Variants in FANCL observed in about 807,000 individuals in gnomAD.
FANCL encodes FA complementation group L.
In FANCL, 69 loss-of-function variants were observed where a neutral mutation model predicts 59.4. The ratio of observed to expected loss-of-function variants is 1.16; its 90% CI spans 0.96 to 1.42. The LOEUF is 1.42. Ranked by LOEUF, FANCL falls within the 40% of genes most tolerant of loss-of-function variation. FANCL has a pLI of 0.00. For synonymous variants in FANCL, 180 were observed against 147.1 expected (o/e 1.22, Z -1.62); for missense variants, 519 against 447.2 (o/e 1.16, Z -1.45).
chr2:58,224,412 A>G (rs1342966649), intron 4 of FANCL, among the ~76,000 whole-genome samples: 5 of 151,896 alleles, frequency 3.3e-5, no homozygotes, highest in African/African-American at 9.7e-5. Context: ...ATTTGTAATC[A>G]AGTTTGATAA....
rs181369414 is a variant in FANCL at position 58,226,138 on chromosome 2, G to T, written c.273+590C>A. Reference sequence around the variant, plus strand: ...AAAAGTAGAAGAGGAAATAAGATTGGCAAAATGTTAAAATTTGGTCAGGCC... The same window carrying T: ...AAAAGTAGAAGAGGAAATAAGATTGTCAAAATGTTAAAATTTGGTCAGGCC... On this transcript the variant is annotated intron_variant, in intron 4 of 13. Coordinates refer to ENST00000233741, the MANE Select transcript of FANCL (RefSeq NM_018062.4). Among the ~76,000 whole-genome samples the T allele has an allele frequency of 2.8e-3, 431 of 152,066 alleles. 3 individuals are homozygous for T. The highest frequency in any genetic ancestry group is 9.0e-3 in the African/African-American group (373 of 41,516).
At chr2:58,185,733 CT>C (rs1688334851) in intron 7 of FANCL, among the ~76,000 whole-genome samples, 4 of 152,008 alleles carry the variant, frequency 2.6e-5, no homozygotes, top group Admixed American at 2.0e-4. Context: ...ATTCTAAAGC[CT>C]TAAAATGTAT....
At chr2:58,220,278 T>G (rs904674319) in intron 5 of FANCL, among the ~76,000 whole-genome samples, 6 of 152,190 alleles carry the variant, frequency 3.9e-5, no homozygotes, top group African/African-American at 1.4e-4. Flanking sequence ...GAAGTATTCA[T>G]AAAAAATTAA....
intron 5 of FANCL, among the ~76,000 whole-genome samples, chr2:58,206,169 T>C (rs1690561561): frequency 6.6e-6 from 1 of 152,010 alleles, no homozygotes; most frequent in African/African-American, 2.4e-5. Flanking sequence ...AGAGATACCA[T>C]CTTTAATTGA....
intron 6 of FANCL, among the ~76,000 whole-genome samples, chr2:58,201,851 T>A (rs1011797158): frequency 2.0e-5 from 3 of 151,898 alleles, no homozygotes; most frequent in African/African-American, 7.2e-5. Flanking sequence ...TGGGAAAGTA[T>A]GTATTCCAGA....
At chr2:58,240,764 C>T (rs1361892393) in intron 1 of FANCL, among the ~76,000 whole-genome samples, 1 of 152,078 alleles carries the variant, frequency 6.6e-6, no homozygotes, top group East Asian at 1.9e-4. Flanking sequence ...GGCAAAGGGC[C>T]AAAATAAGGT....
intron 4 of FANCL, among the ~76,000 whole-genome samples, chr2:58,226,521 C>A (rs1192768253): frequency 1.3e-5 from 2 of 152,108 alleles, no homozygotes; most frequent in African/African-American, 2.4e-5. Context: ...GTTTATAATA[C>A]AATCAAAGAG....
chr2:58,163,158 A>G, intron 9 of FANCL, 84 bp from the exon 10 acceptor site: 1 of 1,201,708 alleles, frequency 8.3e-7, no homozygotes, highest in Non-Finnish European at 1.2e-6. Context: ...ATGTTTCTTA[A>G]CTACTTGATT....
At chr2:58,166,360 T>A (rs1016541760) in intron 7 of FANCL, among the ~76,000 whole-genome samples, 1 of 152,196 alleles carries the variant, frequency 6.6e-6, no homozygotes, top group Non-Finnish European at 1.5e-5. Context: ...TTTGGAGACC[T>A]AATTAGGCAG....
intron 7 of FANCL, among the ~76,000 whole-genome samples, chr2:58,192,426 A>C (rs960351149): frequency 6.6e-6 from 1 of 151,950 alleles, no homozygotes; most frequent in Non-Finnish European, 1.5e-5. Flanking sequence ...AGTTATAACA[A>C]CTTAGAAAAC....
chr2:58,202,892 G>C (rs534486660), intron 6 of FANCL, among the ~76,000 whole-genome samples: 49 of 151,734 alleles, frequency 3.2e-4, no homozygotes, highest in South Asian at 4.2e-4. Flanking sequence ...AAAATCTTTA[G>C]TTTTGGTCTT....
chr2:58,202,865 G>A (rs567200783), intron 6 of FANCL, among the ~76,000 whole-genome samples: 45 of 151,900 alleles, frequency 3.0e-4, no homozygotes, highest in African/African-American at 1.1e-3. Context: ...TTGTAAAAAT[G>A]AGGACAGGGT....
intron 7 of FANCL, among the ~76,000 whole-genome samples, chr2:58,181,812 A>T (rs1277077174): frequency 1.3e-5 from 2 of 151,920 alleles, no homozygotes; most frequent in Non-Finnish European, 2.9e-5. Context: ...TAAATAAATG[A>T]TATAAATTAC....
At chr2:58,205,421 G>A (rs952868402) in intron 5 of FANCL, among the ~76,000 whole-genome samples, 2 of 151,940 alleles carry the variant, frequency 1.3e-5, no homozygotes, top group Admixed American at 1.3e-4. Context: ...TTTTCTTTCA[G>A]CTATATCTGT....
intron 5 of FANCL, among the ~76,000 whole-genome samples, chr2:58,212,333 C>T (rs539573131): frequency 7.9e-5 from 12 of 152,210 alleles, no homozygotes; most frequent in African/African-American, 2.9e-4. Context: ...GAAACTGCCC[C>T]CGTGATTAAA....
chr2:58,186,486 A>C (rs1038783838), intron 7 of FANCL, among the ~76,000 whole-genome samples: 1 of 152,142 alleles, frequency 6.6e-6, no homozygotes, highest in African/African-American at 2.4e-5. Context: ...AGTGAAACAC[A>C]GTAGGGAATG....
chr2:58,206,942 T>C (rs1454519197), intron 5 of FANCL, among the ~76,000 whole-genome samples: 1 of 152,176 alleles, frequency 6.6e-6, no homozygotes, highest in Non-Finnish European at 1.5e-5. Context: ...TGATTGTCAA[T>C]TGCCCTCTAG....
rs778926534 is a variant in FANCL, at chr2:58,159,410, GT to G, written c.*354del. The G allele has an allele frequency of 6.2e-7, 1 of 1,613,462 alleles. No homozygotes were observed. The highest frequency in any genetic ancestry group is 1.7e-5 in the Admixed American group (1 of 59,958). On this transcript the variant is annotated 3_prime_UTR_variant, in exon 14 of 14. Transcript: ENST00000233741. ...CAAGAACCTTTGAATGAAGTAAACA[GT>G]TTCCCACAAAAAATCAGCTATACAC...
At chr2:58,192,326 G>A (rs1278097663) in intron 7 of FANCL, among the ~76,000 whole-genome samples, 3 of 151,880 alleles carry the variant, frequency 2.0e-5, no homozygotes, top group Non-Finnish European at 4.4e-5. Flanking sequence ...GCAAGTAAGT[G>A]AGATTCAAAG....
Sources: gnomAD v4.1 joint callset for allele counts (sites outside exome capture counted in the v4.1 genomes callset) on GRCh38, gnomAD v4.1.1 for gene constraint, MANE v1.5 for transcripts, NCBI Gene and HGNC (gene_info 2026-07-23, HGNC 2026-07-21) for gene names.